The following OSBPL7 variants were observed in gnomAD, a reference collection of about 807,000 sequenced individuals.
OSBPL7 encodes oxysterol-binding protein-related protein 7.
Under a neutral mutation model 115.8 loss-of-function variants are expected in OSBPL7, and 66 were observed. The observed-to-expected ratio is 0.57, with a 90% CI of 0.47 to 0.70. The LOEUF (loss-of-function observed/expected upper bound fraction) is 0.70, where lower values mean the gene tolerates loss of function less well. Among genes scored for constraint, OSBPL7 ranks in the 30% least tolerant of loss-of-function variants. The pLI is 0.00. For synonymous variants in OSBPL7, 441 were observed against 439.2 expected (o/e 1.00, Z -0.05); for missense variants, 902 against 1,125.5 (o/e 0.80, Z 2.84).
rs1178708070 is a variant in OSBPL7 at position 47,808,308 on chromosome 17, C to A, written c.2512G>T (p.Gly838Trp). The change falls in exon 23 of 23, where the codon GGG (glycine) becomes TGG (tryptophan). Residue 838 changes from glycine to tryptophan, a missense_variant. Transcript: ENST00000007414. The surrounding 1 kb of genome is among the most constrained non-coding windows in gnomAD (Gnocchi z 6.1). ...GGCCAGGGCTACCAGAGCACGGCCCCATCCATGTTCCCATAGCCTGGCTCG... is the reference window on the plus strand; with the variant it reads ...GGCCAGGGCTACCAGAGCACGGCCCAATCCATGTTCCCATAGCCTGGCTCG... ...RAEPGYGNMD[G>W]AVLW 1 of 1,613,494 alleles carries A rather than the reference C, an allele frequency of 6.2e-7. No homozygotes were observed.
chr17:47,821,517 G>C (rs945552356), intron 1 of OSBPL7, 149 bp downstream of exon 1: 4 of 152,442 alleles, frequency 2.6e-5, no homozygotes, highest in South Asian at 2.1e-4. Context: ...TGTGGGTAGA[G>C]GGGGAGGCTC....
rs965384772 is a variant in OSBPL7, at chr17:47,807,925, C to T, written c.*366G>A. ...GCCTGGGCACAGAAAGCCTGGGGAGCGTCAAGGAGTCCCCTGTGTCCTAGG... is the reference window on the plus strand; with the variant it reads ...GCCTGGGCACAGAAAGCCTGGGGAGTGTCAAGGAGTCCCCTGTGTCCTAGG... On this transcript the variant is annotated 3_prime_UTR_variant, in exon 23 of 23. Transcript: ENST00000007414. 1.2e-5 allele frequency: 3 copies of T among 256,190 alleles called. No homozygotes were observed. Among genetic ancestry groups the T allele is most frequent in the South Asian group, 6.2e-5 (1 of 16,176 alleles). 15.9% of individuals were successfully genotyped at this position (256,190 alleles called of 1,614,324 possible). A position where few individuals can be genotyped will look rare whatever the true frequency, so the allele number is the denominator to read the frequency against.
chr17:47,816,214 G>C lies in OSBPL7; in HGVS notation c.1024-12C>G. Reference sequence around the variant, plus strand: ...GAGGCCTCAGAGACCTGCAGGGAGAGGGTGAGGGACACGGTGCCAGGAGGA... The same window carrying C: ...GAGGCCTCAGAGACCTGCAGGGAGACGGTGAGGGACACGGTGCCAGGAGGA... On this transcript the variant is annotated splice_polypyrimidine_tract_variant and intron_variant, in intron 11 of 22. Coordinates refer to ENST00000007414, the MANE Select transcript of OSBPL7 (RefSeq NM_145798.3). The surrounding 1 kb of genome is among the most constrained non-coding windows in gnomAD (Gnocchi z 5.8). 6.5e-7 allele frequency: 1 copy of C among 1,547,718 alleles called. No individual in the cohort carries two copies. The highest frequency in any genetic ancestry group is 1.2e-5 in the South Asian group (1 of 83,908).
At chr17:47,810,697 A>G in intron 17 of OSBPL7, 25 bp from the exon 18 acceptor site, 3 of 1,613,162 alleles carry the variant, frequency 1.9e-6, no homozygotes, top group Non-Finnish European at 2.5e-6. Context: ...GGGGAGGGAG[A>G]GTGAACAACA....
At chr17:47,811,693 CA>C (rs2033046494) in intron 16 of OSBPL7, among the ~76,000 whole-genome samples, 1 of 152,234 alleles carries the variant, frequency 6.6e-6, no homozygotes, top group Non-Finnish European at 1.5e-5. Flanking sequence ...AGAAGTGGGT[CA>C]GGGGGGCGAT....
At position 47,816,094 on chromosome 17, in the gene OSBPL7, C is replaced by A; in HGVS notation, c.1119+13G>T. On this transcript the variant is annotated intron_variant, in intron 12 of 22. Coordinates refer to ENST00000007414, the MANE Select transcript of OSBPL7 (RefSeq NM_145798.3). This position sits in a 1 kb window ranked among gnomAD's most constrained non-coding sequence, Gnocchi z 5.8. The stretch of plus-strand genomic sequence containing the variant: ...AGGAGAATCGGCCCCCACAGCCCAC[C>A]CTGGCTCCTCACCTCCTCAGGGTTG... 6.5e-7 allele frequency: 1 copy of A among 1,546,532 alleles called. No homozygotes were observed.
chr17:47,818,675 C>A, intron 5 of OSBPL7, 59 bp from the exon 6 acceptor site: 1 of 1,442,628 alleles, frequency 6.9e-7, no homozygotes, highest in Non-Finnish European at 9.6e-7. Context: ...TTTCCAAGAG[C>A]AAGAAGTCAG....
intron 4 of OSBPL7, 177 bp from the exon 5 acceptor site, chr17:47,819,276 C>G: frequency 1.7e-6 from 1 of 595,104 alleles, no homozygotes; most frequent in Non-Finnish European, 3.0e-6. Flanking sequence ...GCAGAACGCT[C>G]CCCTACGTCA....
intron 5 of OSBPL7, 27 bp from the exon 6 acceptor site, chr17:47,818,643 G>C: frequency 7.0e-6 from 11 of 1,565,048 alleles, no homozygotes; most frequent in Non-Finnish European, 9.6e-6. Flanking sequence ...GAGGGGGAGG[G>C]CTATCTGAAG....
Position 47,816,099 on chromosome 17 carries a change from C to T in OSBPL7, c.1119+8G>A. 6.5e-7 allele frequency: 1 copy of T among 1,547,814 alleles called. No individual in the cohort carries two copies. Among genetic ancestry groups the T allele is most frequent in the Non-Finnish European group, 8.7e-7 (1 of 1,144,856 alleles). ...AATCGGCCCCCACAGCCCACCCTGG[C>T]TCCTCACCTCCTCAGGGTTGAGGGA... is the stretch of plus-strand genomic sequence containing the variant. On this transcript the variant is annotated splice_region_variant and intron_variant, in intron 12 of 22. Transcript: ENST00000007414. The surrounding 1 kb of genome is among the most constrained non-coding windows in gnomAD (Gnocchi z 5.8).
At position 47,810,659 on chromosome 17, in the gene OSBPL7, C is replaced by T; in HGVS notation, c.1815G>A (p.Lys605=). 1 of 1,614,162 alleles carries T rather than the reference C, an allele frequency of 6.2e-7. No individual in the cohort carries two copies. Among genetic ancestry groups the T allele is most frequent in the Middle Eastern group, 1.6e-4 (1 of 6,062 alleles). Residue 605 remains lysine, a synonymous_variant, in exon 18 of 23, where the codon AAG becomes AAA. Transcript: ENST00000007414. ...NFAFWQDMKW[K]NKFWGKSLEI... ...CCAGGGATTTGCCCCAGAACTTGTT[C>T]TTCCACTTCATATCTGGAATTGGAT...
chr17:47,820,522 A>C, intron 1 of OSBPL7, 157 bp from the exon 2 acceptor site: 2 of 512,150 alleles, frequency 3.9e-6, no homozygotes, highest in Non-Finnish European at 7.0e-6. Flanking sequence ...GACCCCACCC[A>C]TTTTCACCTG....
intron 13 of OSBPL7, 182 bp downstream of exon 13, chr17:47,815,033 G>T (rs2143542467): frequency 1.3e-6 from 1 of 778,814 alleles, no homozygotes; most frequent in Non-Finnish European, 2.0e-6. Flanking sequence ...TCTAGGAGAA[G>T]AGTCCCTAGC....
intron 7 of OSBPL7, 105 bp from the exon 8 acceptor site, chr17:47,817,464 A>G: frequency 1.4e-6 from 1 of 720,972 alleles, no homozygotes; most frequent in Non-Finnish European, 2.2e-6. Flanking sequence ...ATCTCGGCTC[A>G]CTGCAACCTC....
chr17:47,810,965 C>A, intron 16 of OSBPL7, 130 bp from the exon 17 acceptor site: 2 of 777,096 alleles, frequency 2.6e-6, no homozygotes, highest in Non-Finnish European at 2.1e-6. Flanking sequence ...CTGTCCCTAT[C>A]ACCCTTGGCC....
Position 47,817,131 on chromosome 17 carries a change from G to A in OSBPL7, c.702+125C>T, listed in dbSNP as rs376326251. The A allele has an allele frequency of 1.1e-4, 83 of 782,090 alleles. No individual in the cohort carries two copies. In the African/African-American group the frequency reaches 1.4e-3, roughly 13 times the overall value. The allele number at this position is 782,090 out of a possible 1,614,324, so 48.4% of individuals were successfully genotyped here. A position where few individuals can be genotyped will look rare whatever the true frequency, so the allele number is the denominator to read the frequency against. ...AGTTTGGACATGGGTAAGGGGTGGG[G>A]AGGAAACCAGGCGATGCATGGCTCT... On this transcript the variant is annotated intron_variant, in intron 8 of 22. Coordinates refer to ENST00000007414, the MANE Select transcript of OSBPL7 (RefSeq NM_145798.3).
At chr17:47,815,374 T>C in intron 12 of OSBPL7, 22 bp from the exon 13 acceptor site, 1 of 1,612,662 alleles carries the variant, frequency 6.2e-7, no homozygotes, top group South Asian at 1.1e-5. Context: ...GCCAGATGGA[T>C]GTCAGGCTCC....
chr17:47,815,171 G>T, intron 13 of OSBPL7, 44 bp downstream of exon 13: 1 of 1,587,952 alleles, frequency 6.3e-7, no homozygotes. Flanking sequence ...TGTTCCCAAG[G>T]TCCCCCCTAC....
At position 47,814,574 on chromosome 17, in the gene OSBPL7, G is replaced by C; in HGVS notation, c.1298C>G (p.Thr433Ser). Reference protein sequence around the residue: ...EEESCTSEITTSLSEEMLDLR... With the variant: ...EEESCTSEITSSLSEEMLDLR... ...GTCCAGCATCTCCTCAGACAGGCTG[G>C]TGGTGATTTCACTGGTACAGGACTC... The change falls in exon 14 of 23, where the codon ACC becomes AGC. Residue 433 changes from threonine to serine, a missense_variant. Around this residue, in one of 3 missense-constraint regions of OSBPL7, gnomAD observed 667 missense variants for 788.7 expected, o/e 0.85. Transcript: ENST00000007414. 1 of 1,614,048 alleles carries C rather than the reference G, an allele frequency of 6.2e-7. No homozygotes were observed. Among genetic ancestry groups the C allele is most frequent in the South Asian group, 1.1e-5 (1 of 91,072 alleles).
Sources: gnomAD v4.1 joint callset for allele counts (sites outside exome capture counted in the v4.1 genomes callset) on GRCh38, gnomAD v4.1.1 for gene constraint, gnomAD v4.1.1 regional missense constraint, Gnocchi (gnomAD v3.1) non-coding constraint, MANE v1.5 for transcripts, NCBI Gene and HGNC (gene_info 2026-07-23, HGNC 2026-07-21) for gene names.